Variants in NRL observed in about 807,000 individuals in gnomAD.
NRL encodes the protein neural retina leucine zipper, also known as neural retina-specific leucine zipper protein.
NRL carries 16 observed loss-of-function variants against 12.5 expected under a neutral mutation model. That is an observed-to-expected ratio of 1.28 (90% CI 0.87 to 1.95). The LOEUF (loss-of-function observed/expected upper bound fraction) is 1.95. NRL is among the 30% of genes most tolerant of loss of function. NRL has a pLI of 0.00. For missense variants in NRL, 314 were observed against 325.8 expected (o/e 0.96, Z 0.28); for synonymous variants, 142 against 150.9 (o/e 0.94, Z 0.43).
chr14:24,109,097 G>A (rs1445145104), intron 1 of NRL, among the ~76,000 whole-genome samples: 4 of 152,158 alleles, frequency 2.6e-5, no homozygotes. Context: ...TCCTAAAATG[G>A]GTGCTGAAGG....
intron 1 of NRL, 183 bp downstream of exon 1, chr14:24,114,539 C>T (rs2037491319): frequency 3.2e-6 from 1 of 310,900 alleles, no homozygotes; most frequent in Non-Finnish European, 4.7e-6. Flanking sequence ...AAATACCTCT[C>T]GGTAGCGAAC....
chr14:24,081,874 G>C lies in NRL; in HGVS notation c.382-306C>G. 1 of 1,353,070 alleles carries C rather than the reference G, an allele frequency of 7.4e-7. No individual in the cohort carries two copies. Among genetic ancestry groups the C allele is most frequent in the Non-Finnish European group, 9.5e-7 (1 of 1,048,388 alleles). The allele number at this position is 1,353,070 out of a possible 1,614,324, so 83.8% of individuals were successfully genotyped here. A position where few individuals can be genotyped will look rare whatever the true frequency, so the allele number is the denominator to read the frequency against. On this transcript the variant is annotated intron_variant, in intron 2 of 2. Transcript: ENST00000561028. The surrounding 1 kb of genome is among the most constrained non-coding windows in gnomAD (Gnocchi z 4.4). ...TCGTCTCTGGGATCCCCGGCATCCA[G>C]CTCCAGGCCCGGGTGTGTCCAGTGG...
Position 24,094,787 on chromosome 14 carries a change from CG to C in NRL, c.-27-11913del. The C allele has an allele frequency of 7.3e-7, 1 of 1,375,396 alleles. No individual in the cohort carries two copies. The highest frequency in any genetic ancestry group is 9.6e-7 in the Non-Finnish European group (1 of 1,044,950). The allele number at this position is 1,375,396 out of a possible 1,614,324, so 85.2% of individuals were successfully genotyped here. On this transcript the variant is annotated intron_variant, in intron 1 of 2. Transcript: ENST00000561028. The surrounding 1 kb of genome is among the most constrained non-coding windows in gnomAD (Gnocchi z 4.1). ...CCAGATACCTCCCTCGGACCTCTAA[CG>C]GGCTCTCAGCCAGCGCCCCAGGGTA...
At position 24,079,205 on chromosome 14, in the gene NRL, G is replaced by A. The variant is rs892086902; in HGVS notation, c.*2031C>T. On this transcript the variant is annotated 3_prime_UTR_variant, in exon 3 of 3. Transcript: ENST00000561028. ...TACTGTATATGTGGCCTAGTTGTGT[G>A]CTCAGGTGTCTATGGATGGTTCTGT... Among the ~76,000 whole-genome samples, 1 of 152,188 alleles carries A rather than the reference G, an allele frequency of 6.6e-6. No homozygotes were observed. The highest frequency in any genetic ancestry group is 1.5e-5 in the Non-Finnish European group (1 of 68,040).
intron 1 of NRL, among the ~76,000 whole-genome samples, chr14:24,091,118 C>CGT (rs2036615963): frequency 2.3e-4 from 27 of 119,878 alleles, no homozygotes; most frequent in African/African-American, 6.3e-4. Flanking sequence ...ACAGAAAAGG[C>CGT]CTGTGTGTGT....
At position 24,081,023 on chromosome 14, in the gene NRL, G is replaced by T. The variant is rs79489503; in HGVS notation, c.*213C>A. ...TCATGTGGGCTGGGTTTCTGTGTTC[G>T]TAAGGGGAGGGGACCCCTCTCCAGA... On this transcript the variant is annotated 3_prime_UTR_variant, in exon 3 of 3. Transcript: ENST00000561028. This position sits in a 1 kb window ranked among gnomAD's most constrained non-coding sequence, Gnocchi z 4.4. The T allele has an allele frequency of 3.6e-4, 145 of 397,956 alleles. No individual in the cohort carries two copies. The East Asian group carries it at 4.2e-3, about 12-fold the overall frequency. 24.7% of individuals were successfully genotyped at this position (397,956 alleles called of 1,614,324 possible). A position where few individuals can be genotyped will look rare whatever the true frequency, so the allele number is the denominator to read the frequency against.
intron 1 of NRL, among the ~76,000 whole-genome samples, chr14:24,091,981 C>A (rs950874416): frequency 1.3e-5 from 2 of 152,064 alleles, no homozygotes; most frequent in African/African-American, 2.4e-5. Flanking sequence ...TGGGGTCCTG[C>A]CTCCCTTTTT....
intron 1 of NRL, among the ~76,000 whole-genome samples, chr14:24,109,701 A>T (rs909503930): frequency 2.0e-5 from 3 of 151,886 alleles, no homozygotes; most frequent in Non-Finnish European, 4.4e-5. Context: ...CCATCTCAAA[A>T]AAAAAAAAAA....
chr14:24,084,142 G>A (rs1051560442), intron 1 of NRL, among the ~76,000 whole-genome samples: 1 of 152,214 alleles, frequency 6.6e-6, no homozygotes, highest in Admixed American at 6.5e-5. Context: ...TCTACCCAGA[G>A]AGGCAAAGAG....
At position 24,082,579 on chromosome 14, in the gene NRL, C is replaced by T. The variant is rs751276623; in HGVS notation, c.270G>A (p.Leu90=). 6.2e-7 allele frequency: 1 copy of T among 1,613,676 alleles called. No homozygotes were observed. Among genetic ancestry groups the T allele is most frequent in the Non-Finnish European group, 8.5e-7 (1 of 1,180,032 alleles). ...GCAGCTCCATGGCCTCTTCAGGACT[C>T]AGCCCCAATGCCTCCCCAGCCCCCA... ...QQLGAGEALG[L]SPEEAMELLQ... Residue 90 remains leucine, a synonymous_variant, in exon 2 of 3, where the codon CTG becomes CTA. Transcript: ENST00000561028.
At chr14:24,114,049 G>A (rs1594327861) in intron 1 of NRL, 1 of 152,606 alleles carries the variant, frequency 6.6e-6, no homozygotes, top group African/African-American at 2.4e-5. Flanking sequence ...GGGGCAGGAG[G>A]GGGCAGGAGG....
Position 24,082,859 on chromosome 14 carries a change from G to A in NRL, c.-11C>T, listed in dbSNP as rs202110242. The A allele has an allele frequency of 3.6e-4, 576 of 1,608,082 alleles. No individual in the cohort carries two copies. Among genetic ancestry groups the A allele is most frequent in the Non-Finnish European group, 4.7e-4 (549 of 1,176,298 alleles). ...GGGGGGCAGGGCCATTCTGGAGCTG[G>A]GCTGGGAGGAGTGCACCTGCAAAGA... On this transcript the variant is annotated 5_prime_UTR_variant, in exon 2 of 3. Coordinates refer to ENST00000561028, the MANE Select transcript of NRL (RefSeq NM_001354768.3).
chr14:24,111,773 C>A (rs533038590), intron 1 of NRL, among the ~76,000 whole-genome samples: 1 of 150,366 alleles, frequency 6.7e-6, no homozygotes, highest in Non-Finnish European at 1.5e-5. Context: ...ACAATCATGT[C>A]GTCTGCAAAC....
chr14:24,098,200 C>G lies in NRL; in HGVS notation c.-27-15325G>C, dbSNP rs368443004. 118 of 1,591,080 alleles carry G rather than the reference C, an allele frequency of 7.4e-5. No individual in the cohort carries two copies. Among genetic ancestry groups the G allele is most frequent in the Non-Finnish European group, 9.5e-5 (111 of 1,164,842 alleles). Reference sequence around the variant, plus strand: ...ATCTTCCTGACAATCCCCTCTCCCCCAGCTGGCTGGCCCGCACAGACCCCA... The same window carrying G: ...ATCTTCCTGACAATCCCCTCTCCCCGAGCTGGCTGGCCCGCACAGACCCCA... On this transcript the variant is annotated intron_variant, in intron 1 of 2. Transcript: ENST00000561028.
rs144284959 is a variant in NRL at position 24,103,720 on chromosome 14, G to A, written c.-28+11002C>T. On this transcript the variant is annotated intron_variant, in intron 1 of 2. Coordinates refer to ENST00000561028, the MANE Select transcript of NRL (RefSeq NM_001354768.3). ...GCTCGGGTGCTAGACTGGATCTGCC[G>A]GCGGTTAGAGGGGGAGGACAGTGCC... The A allele has an allele frequency of 4.5e-4, 725 of 1,614,168 alleles. 1 individual carries two copies. The highest frequency in any genetic ancestry group is 1.2e-3 in the Middle Eastern group (7 of 6,062).
chr14:24,096,212 A>T (rs1427544359), intron 1 of NRL, among the ~76,000 whole-genome samples: 7 of 150,506 alleles, frequency 4.7e-5, no homozygotes, highest in African/African-American at 1.7e-4. Flanking sequence ...CTTGGGCCAA[A>T]GGCCCCTACT....
At chr14:24,092,633 G>A (rs1032894551) in intron 1 of NRL, among the ~76,000 whole-genome samples, 1 of 152,224 alleles carries the variant, frequency 6.6e-6, no homozygotes, top group African/African-American at 2.4e-5. Context: ...TATACCTGAG[G>A]TTGAGTGTAG....
intron 1 of NRL, chr14:24,102,531 T>C (rs1440977600): frequency 2.3e-5 from 12 of 522,468 alleles, no homozygotes; most frequent in Non-Finnish European, 3.7e-5. Context: ...CCTCTCCCAC[T>C]CTTTTCTCAC....
chr14:24,083,599 G>A (rs576530642), intron 1 of NRL, among the ~76,000 whole-genome samples: 125 of 152,296 alleles, frequency 8.2e-4, no homozygotes, highest in African/African-American at 2.7e-3. Context: ...AACTTGTTAC[G>A]TTGTGTGAAC....
Sources: gnomAD v4.1 joint callset for allele counts (sites outside exome capture counted in the v4.1 genomes callset) on GRCh38, gnomAD v4.1.1 for gene constraint, Gnocchi (gnomAD v3.1) non-coding constraint, MANE v1.5 for transcripts, NCBI Gene and HGNC (gene_info 2026-07-23, HGNC 2026-07-21) for gene names.